CFAP299: variants seen among roughly 807,000 people sequenced by gnomAD.
CFAP299 encodes the protein cilia- and flagella-associated protein 299.
CFAP299 carries 21 observed loss-of-function variants against 27.0 expected under a neutral mutation model. The ratio of observed to expected loss-of-function variants is 0.78; its 90% CI spans 0.55 to 1.12. The LOEUF (loss-of-function observed/expected upper bound fraction) is 1.12, where lower values mean the gene tolerates loss of function less well. Among genes scored for constraint, CFAP299 ranks in the 50% most tolerant of loss-of-function variants. CFAP299 has a pLI of 0.00. For missense variants in CFAP299, 310 were observed against 276.6 expected (o/e 1.12, Z -0.86); for synonymous variants, 104 against 98.1 (o/e 1.06, Z -0.36).
chr4:80,572,493 A>G (rs1735630335), intron 2 of CFAP299, among the ~76,000 whole-genome samples: 1 of 104,984 alleles, frequency 9.5e-6, no homozygotes, highest in South Asian at 2.9e-4. Context: ...GTTGTTGCAC[A>G]TGACTGGATC....
intron 3 of CFAP299, among the ~76,000 whole-genome samples, chr4:80,685,926 G>A (rs1720160644): frequency 6.6e-6 from 1 of 152,074 alleles, no homozygotes; most frequent in Non-Finnish European, 1.5e-5. Context: ...CCTGCCATGG[G>A]ATCTACATAG....
At chr4:80,785,586 T>A (rs190476788) in intron 3 of CFAP299, among the ~76,000 whole-genome samples, 138 of 152,310 alleles carry the variant, frequency 9.1e-4, no homozygotes, top group African/African-American at 3.2e-3. Context: ...CTTGCATAGA[T>A]GATTTTTGTT....
intron 4 of CFAP299, among the ~76,000 whole-genome samples, chr4:80,873,275 T>C (rs953034427): frequency 6.6e-6 from 1 of 152,188 alleles, no homozygotes; most frequent in Non-Finnish European, 1.5e-5. Context: ...GCATGGTCTT[T>C]TATTCTATGC....
intron 3 of CFAP299, among the ~76,000 whole-genome samples, chr4:80,788,361 G>A (rs538076992): frequency 1.3e-5 from 2 of 152,012 alleles, no homozygotes; most frequent in South Asian, 2.1e-4. Context: ...TCATTTTACC[G>A]ATATCTAACT....
chr4:80,414,064 CT>C (rs1170153950), intron 2 of CFAP299, among the ~76,000 whole-genome samples: 5 of 62,434 alleles, frequency 8.0e-5, no homozygotes, highest in African/African-American at 2.0e-4. Context: ...ATGGGTATTT[CT>C]TTTTTTTTTT....
intron 2 of CFAP299, among the ~76,000 whole-genome samples, chr4:80,450,319 C>T (rs149340481): frequency 6.6e-6 from 1 of 152,206 alleles, no homozygotes; most frequent in East Asian, 1.9e-4. Flanking sequence ...CAAATATAAT[C>T]GAGGCACCAT....
At chr4:80,445,110 G>A (rs1257323613) in intron 2 of CFAP299, among the ~76,000 whole-genome samples, 1 of 152,222 alleles carries the variant, frequency 6.6e-6, no homozygotes, top group African/African-American at 2.4e-5. Context: ...GTTGAAGACA[G>A]TGTGGCGATT....
intron 3 of CFAP299, among the ~76,000 whole-genome samples, chr4:80,670,144 C>A (rs1464551334): frequency 6.6e-6 from 1 of 151,976 alleles, no homozygotes; most frequent in Non-Finnish European, 1.5e-5. Context: ...CTCTTGCCCC[C>A]CTCCCCATGA....
chr4:80,920,641 G>A (rs10028468), intron 4 of CFAP299, among the ~76,000 whole-genome samples: 3,307 of 152,140 alleles, frequency 0.022, 66 homozygotes, highest in South Asian at 0.08. Flanking sequence ...ATATATTAAT[G>A]TCTCAACCTC....
intron 2 of CFAP299, among the ~76,000 whole-genome samples, chr4:80,557,556 T>C (rs78027672): frequency 0.081 from 12,316 of 152,170 alleles, 573 homozygotes; most frequent in Middle Eastern, 0.2. Context: ...TTCAAAGCAG[T>C]GTATTAAAGT....
intron 2 of CFAP299, among the ~76,000 whole-genome samples, chr4:80,456,320 G>T (rs1297174427): frequency 6.6e-6 from 1 of 152,054 alleles, no homozygotes; most frequent in African/African-American, 2.4e-5. Context: ...GGAGTGTCCA[G>T]ATATCTGATA....
the CFAP299 span, among the ~76,000 whole-genome samples, chr4:80,328,174 A>G: frequency 6.6e-6 from 1 of 152,182 alleles, no homozygotes; most frequent in Non-Finnish European, 1.5e-5. Context: ...ATAAATATAG[A>G]TTACTCTTTC....
At chr4:80,405,028 T>C (rs904569674) in intron 2 of CFAP299, among the ~76,000 whole-genome samples, 1 of 152,160 alleles carries the variant, frequency 6.6e-6, no homozygotes, top group Non-Finnish European at 1.5e-5. Flanking sequence ...CAAACAAATG[T>C]CTCTTAGTAG....
intron 3 of CFAP299, among the ~76,000 whole-genome samples, chr4:80,813,798 G>A (rs1021042200): frequency 1.3e-5 from 2 of 151,860 alleles, no homozygotes; most frequent in Non-Finnish European, 2.9e-5. Flanking sequence ...AGATTGAAGG[G>A]CAAATCCTGA....
At chr4:80,779,745 A>T (rs1006615126) in intron 3 of CFAP299, among the ~76,000 whole-genome samples, 1 of 150,938 alleles carries the variant, frequency 6.6e-6, no homozygotes, top group Non-Finnish European at 1.5e-5. Context: ...GCACTTTACC[A>T]CCCCCCTAAT....
chr4:80,583,333 T>C (rs1211988556), intron 3 of CFAP299, 150 bp downstream of exon 3: 4 of 396,450 alleles, frequency 1.0e-5, no homozygotes, highest in African/African-American at 6.3e-5. Flanking sequence ...GGAATATACA[T>C]AGAAAGTTAA....
intron 2 of CFAP299, among the ~76,000 whole-genome samples, chr4:80,499,968 A>AT (rs370256415): frequency 0.085 from 12,188 of 142,672 alleles, 558 homozygotes; most frequent in Non-Finnish European, 0.1. Flanking sequence ...TATTAACTTC[A>AT]TTTTTTTTTT....
At chr4:80,899,040 C>T (rs1168958712) in intron 4 of CFAP299, among the ~76,000 whole-genome samples, 1 of 152,196 alleles carries the variant, frequency 6.6e-6, no homozygotes, top group Non-Finnish European at 1.5e-5. Flanking sequence ...TGGAGCCAAA[C>T]TGGATTTAAC....
rs879769975 is a variant in CFAP299, at chr4:80,862,380, GTAAATAAATAAA to G, written c.334-7600_334-7589del. Among the ~76,000 whole-genome samples, 10 of 151,584 alleles carry G rather than the reference GTAAATAAATAAA, an allele frequency of 6.6e-5. No homozygotes were observed. In the South Asian group the frequency reaches 1.9e-3, roughly 28 times the overall value. ...GCCAGACTCCATCTCGAAAAATATA[GTAAATAAATAAA>G]TAAATAAATAAAGCCATTTAAAATA... is the stretch of plus-strand genomic sequence containing the variant. On this transcript the variant is annotated intron_variant, in intron 3 of 5. Transcript: ENST00000358105.
Sources: gnomAD v4.1 joint callset for allele counts (sites outside exome capture counted in the v4.1 genomes callset) on GRCh38, gnomAD v4.1.1 for gene constraint, MANE v1.5 for transcripts, NCBI Gene and HGNC (gene_info 2026-07-23, HGNC 2026-07-21) for gene names.